Variants in HSD3B2 observed in about 807,000 individuals in gnomAD.
The protein encoded by HSD3B2 is 3 beta-hydroxysteroid dehydrogenase/Delta 5-->4-isomerase type 2.
In HSD3B2, 8 loss-of-function variants were observed where a neutral mutation model predicts 9.9. The observed-to-expected ratio is 0.81, with a 90% CI of 0.47 to 1.46. The LOEUF (loss-of-function observed/expected upper bound fraction) is 1.46. Among genes scored for constraint, HSD3B2 ranks in the 40% most tolerant of loss-of-function variants. The pLI, the probability that HSD3B2 is intolerant of heterozygous loss-of-function variation, is 0.00. For missense variants in HSD3B2, 410 were observed against 448.3 expected, an observed-to-expected ratio of 0.91 and a Z score of 0.77; for synonymous variants, 221 against 184.5, an observed-to-expected ratio of 1.20 and a Z score of -1.60.
chr1:119,419,205 G>A (rs1651792196), intron 2 of HSD3B2, among the ~76,000 whole-genome samples: 1 of 152,136 alleles, frequency 6.6e-6, no homozygotes, highest in South Asian at 2.1e-4. Context: ...ATAAGATGGG[G>A]TAGAAACAGA....
chr1:119,416,349 T>G (rs1203249409), intron 2 of HSD3B2, among the ~76,000 whole-genome samples: 1 of 152,164 alleles, frequency 6.6e-6, no homozygotes, highest in Non-Finnish European at 1.5e-5. Flanking sequence ...TGTTCAATAC[T>G]CCAAATAAAT....
chr1:119,418,627 T>A (rs1168543610), intron 2 of HSD3B2, among the ~76,000 whole-genome samples: 1 of 88,274 alleles, frequency 1.1e-5, no homozygotes, highest in East Asian at 3.4e-4. Context: ...TTTATTATTA[T>A]TACTATTATT....
intron 3 of HSD3B2, among the ~76,000 whole-genome samples, chr1:119,420,207 G>A (rs1349113271): frequency 3.3e-5 from 5 of 152,100 alleles, no homozygotes; most frequent in African/African-American, 7.2e-5. Flanking sequence ...TACTATTACA[G>A]AGCCATTTCC....
chr1:119,417,902 T>C (rs1335830714), intron 2 of HSD3B2, among the ~76,000 whole-genome samples: 5 of 152,306 alleles, frequency 3.3e-5, no homozygotes, highest in African/African-American at 1.2e-4. Context: ...TTTAGATCTG[T>C]CCCTTAACCT....
chr1:119,420,287 C>T (rs989989210), intron 3 of HSD3B2, among the ~76,000 whole-genome samples: 6 of 152,100 alleles, frequency 3.9e-5, no homozygotes, highest in African/African-American at 1.2e-4. Flanking sequence ...GCAGTCTCAC[C>T]CTCTGATTCC....
chr1:119,418,026 A>ATGAGTGTAGAGTATTTATC (rs1313300418), intron 2 of HSD3B2, among the ~76,000 whole-genome samples: 15 of 152,182 alleles, frequency 9.9e-5, no homozygotes, highest in Non-Finnish European at 1.3e-4. Flanking sequence ...TAAAGCACAA[A>ATGAGTGTAGAGTATTTATC]TGAGTGTAGA....
chr1:119,418,605 G>A (rs187276125), intron 2 of HSD3B2, among the ~76,000 whole-genome samples: 14 of 148,040 alleles, frequency 9.5e-5, no homozygotes, highest in East Asian at 7.9e-4. Flanking sequence ...ACAACTCTGC[G>A]TCTGTTTATC....
chr1:119,420,477 T>C (rs1279194084), intron 3 of HSD3B2, among the ~76,000 whole-genome samples: 1 of 152,138 alleles, frequency 6.6e-6, no homozygotes, highest in Non-Finnish European at 1.5e-5. Context: ...AGTACCGCTA[T>C]AGTTCAAGGA....
intron 2 of HSD3B2, among the ~76,000 whole-genome samples, chr1:119,415,991 C>CTTAG (rs1260161222): frequency 6.6e-6 from 1 of 152,080 alleles, no homozygotes; most frequent in Non-Finnish European, 1.5e-5. Context: ...TTATAGCTTC[C>CTTAG]TTAGTATCTT....
chr1:119,421,164 T>G (rs952189737), intron 3 of HSD3B2, among the ~76,000 whole-genome samples: 14 of 151,886 alleles, frequency 9.2e-5, no homozygotes, highest in Non-Finnish European at 5.9e-5. Flanking sequence ...CAACTGTGAA[T>G]TTGTGTGTGT....
At chr1:119,419,734 T>C in intron 3 of HSD3B2, 152 bp downstream of exon 3, 2 of 759,178 alleles carry the variant, frequency 2.6e-6, no homozygotes, top group East Asian at 2.7e-5. Flanking sequence ...AGTTCAAGGC[T>C]GGTAACCTCA....
Position 119,419,555 on chromosome 1 carries a change from G to A in HSD3B2, c.280G>A (p.Glu94Lys). 1 of 1,613,914 alleles carries A rather than the reference G, an allele frequency of 6.2e-7. No individual in the cohort carries two copies. Among genetic ancestry groups the A allele is most frequent in the Non-Finnish European group, 8.5e-7 (1 of 1,179,876 alleles). ...TGATGTCTTTGGTGTCACTCACAGA[G>A]AGTCCATCATGAATGTCAATGTGAA... Reference protein sequence around the residue: ...IIDVFGVTHRESIMNVNVKGT... With the variant: ...IIDVFGVTHRKSIMNVNVKGT... Residue 94 changes from glutamate (E) to lysine (K), a missense_variant, in exon 3 of 4, where the codon GAG becomes AAG. Coordinates refer to ENST00000369416, the MANE Select transcript of HSD3B2 (RefSeq NM_000198.4).
chr1:119,421,768 G>T, intron 3 of HSD3B2, 41 bp from the exon 4 acceptor site: 1 of 1,609,616 alleles, frequency 6.2e-7, no homozygotes, highest in South Asian at 1.1e-5. Context: ...CAGCTCCTTT[G>T]GGATATTTCC....
rs112513697 is a variant in HSD3B2 at position 119,420,842 on chromosome 1, T to C, written c.308-967T>C. Reference sequence around the variant, plus strand: ...ACAGGTCTTCCCAGTGCAGGTGTTATCAGCAGAGGGCACACTCCCTCCCCA... The same window carrying C: ...ACAGGTCTTCCCAGTGCAGGTGTTACCAGCAGAGGGCACACTCCCTCCCCA... On this transcript the variant is annotated intron_variant, in intron 3 of 3. Coordinates refer to ENST00000369416, the MANE Select transcript of HSD3B2 (RefSeq NM_000198.4). 8.3e-3 allele frequency among the ~76,000 whole-genome samples: 1,268 copies of C among 152,266 alleles called. 16 individuals carry two copies. Among genetic ancestry groups the C allele is most frequent in the African/African-American group, 0.029 (1,206 of 41,550 alleles).
Position 119,421,415 on chromosome 1 carries a change from A to ATG in HSD3B2, c.308-392_308-391dup, listed in dbSNP as rs1553209654. Among the ~76,000 whole-genome samples the ATG allele has an allele frequency of 3.3e-4, 9 of 27,500 alleles. 1 individual carries two copies. In the South Asian group the frequency reaches 8.7e-3, roughly 27 times the overall value. 18.0% of individuals were successfully genotyped at this position (27,500 alleles called of 152,430 possible). A position where few individuals can be genotyped will look rare whatever the true frequency, so the allele number is the denominator to read the frequency against. ...TGTATATATATATGTATATATATAT[A>ATG]TGTATATATATGTATATATATATAT... On this transcript the variant is annotated intron_variant, in intron 3 of 3. Transcript: ENST00000369416.
rs1015352782 is a variant in HSD3B2 at position 119,422,168 on chromosome 1, G to A, written c.667G>A (p.Val223Ile). The A allele has an allele frequency of 6.2e-7, 1 of 1,614,004 alleles. No individual in the cohort carries two copies. Among genetic ancestry groups the A allele is most frequent in the Non-Finnish European group, 8.5e-7 (1 of 1,180,012 alleles). The change falls in exon 4 of 4, where the codon GTC becomes ATC. Residue 223 changes from valine (V) to isoleucine (I), a missense_variant. Val to Ile is a conservative substitution (Grantham distance 29). Transcript: ENST00000369416. ...TGGAAAGTTCTCTACAGTCAACCCA[G>A]TCTATGTTGGCAACGTGGCCTGGGC... ...SVGKFSTVNP[V>I]YVGNVAWAHI...
rs1246122887 is a variant in HSD3B2, at chr1:119,422,990, C to A, written c.*370C>A. The A allele has an allele frequency of 2.5e-6, 1 of 399,838 alleles. No individual in the cohort carries two copies. Among genetic ancestry groups the A allele is most frequent in the Admixed American group, 4.2e-5 (1 of 23,958 alleles). 24.8% of individuals were successfully genotyped at this position (399,838 alleles called of 1,614,324 possible). On this transcript the variant is annotated 3_prime_UTR_variant, in exon 4 of 4. Coordinates refer to ENST00000369416, the MANE Select transcript of HSD3B2 (RefSeq NM_000198.4). Reference sequence around the variant, plus strand: ...CTCTTTAATCTCCTATTCCTTCACACAGTTCAACATAAAGAGCAATAAATG... The same window carrying A: ...CTCTTTAATCTCCTATTCCTTCACAAAGTTCAACATAAAGAGCAATAAATG...
At chr1:119,417,490 G>A (rs1651742626) in intron 2 of HSD3B2, 1 of 152,210 alleles carries the variant, frequency 6.6e-6, no homozygotes, top group Non-Finnish European at 1.5e-5. Context: ...GATGAAGGGA[G>A]TAGAAAAGGT....
chr1:119,422,251 T>A lies in HSD3B2; in HGVS notation c.750T>A (p.Gly250=). 6.2e-7 allele frequency: 1 copy of A among 1,613,982 alleles called. No individual in the cohort carries two copies. The highest frequency in any genetic ancestry group is 1.1e-5 in the South Asian group (1 of 91,066). ...CCAAGAAGGCCCCAAGTGTCCGAGG[T>A]CAATTCTATTACATCTCAGATGACA... ...RDPKKAPSVR[G]QFYYISDDTP... Residue 250 remains glycine (G), a synonymous_variant, in exon 4 of 4, where the codon GGT becomes GGA. Transcript: ENST00000369416.
Sources: allele counts gnomAD v4.1 joint callset (sites outside exome capture counted in the v4.1 genomes callset), GRCh38; gene constraint gnomAD v4.1.1; transcripts MANE v1.5; gene names NCBI Gene and HGNC (gene_info 2026-07-23, HGNC 2026-07-21).